Variants in KDM4C observed in about 807,000 individuals in gnomAD.
The protein encoded by KDM4C is lysine-specific demethylase 4C.
Under a neutral mutation model 129.3 loss-of-function variants are expected in KDM4C, and 81 were observed. The observed-to-expected ratio is 0.63, with a 90% CI of 0.52 to 0.75. The LOEUF (loss-of-function observed/expected upper bound fraction) is 0.75. Among genes scored for constraint, KDM4C ranks in the 30% least tolerant of loss-of-function variants. The pLI is 0.00. For missense variants in KDM4C, 1,457 were observed against 1,304.0 expected, an observed-to-expected ratio of 1.12 and a Z score of -1.81; for synonymous variants, 573 against 456.1, an observed-to-expected ratio of 1.26 and a Z score of -3.26.
intron 17 of KDM4C, chr9:7,076,425 G>T (rs1196347928): frequency 6.5e-7 from 1 of 1,542,552 alleles, no homozygotes; most frequent in Non-Finnish European, 8.8e-7. Flanking sequence ...TTTGCATTGT[G>T]TTTTTCAGGG....
chr9:6,952,863 C>T (rs1022306208), intron 8 of KDM4C, among the ~76,000 whole-genome samples: 14 of 152,136 alleles, frequency 9.2e-5, no homozygotes, highest in Non-Finnish European at 2.9e-5. Flanking sequence ...TTGTTATTTT[C>T]TTTATGATAG....
intron 12 of KDM4C, among the ~76,000 whole-genome samples, chr9:7,008,635 G>A (rs1822123316): frequency 6.6e-6 from 1 of 152,204 alleles, no homozygotes. Context: ...TGTGGATGCA[G>A]TTGACAGGAC....
In KDM4C at chr9:6,990,519, A is replaced by T; in HGVS notation, c.1781A>T (p.Asp594Val). The T allele has an allele frequency of 6.3e-7, 1 of 1,589,094 alleles. No individual in the cohort carries two copies. The highest frequency in any genetic ancestry group is 8.6e-7 in the Non-Finnish European group (1 of 1,161,380). The change falls in exon 12 of 22, where the codon GAT (aspartate) becomes GTT (valine). Residue 594 changes from aspartate (D) to valine (V), a missense_variant. By Grantham distance (152) the Asp-to-Val change is radical (BLOSUM62 -3). Coordinates refer to ENST00000381309, the MANE Select transcript of KDM4C (RefSeq NM_015061.6). ...CTTGTGAAGCAGCAGGCGCCAAGTG[A>T]TGAAGGTGAGATGGTGACCCTTTTT... ...MTLVKQQAPS[D>V]EELPEVLSIE... is the part of the protein sequence containing the mutation.
intron 6 of KDM4C, among the ~76,000 whole-genome samples, chr9:6,881,951 G>C (rs564932116): frequency 6.6e-6 from 1 of 152,160 alleles, no homozygotes; most frequent in Non-Finnish European, 1.5e-5. Context: ...TGAAAAGTAG[G>C]CTCAGATATT....
chr9:6,902,738 G>A (rs925677573), intron 8 of KDM4C: 15 of 152,232 alleles, frequency 9.9e-5, no homozygotes, highest in African/African-American at 3.4e-4. Flanking sequence ...TGTCTGTGGG[G>A]ACAGTGTTTG....
intron 18 of KDM4C, among the ~76,000 whole-genome samples, chr9:7,118,030 A>G (rs1417479447): frequency 6.6e-6 from 1 of 152,220 alleles, no homozygotes; most frequent in African/African-American, 2.4e-5. Flanking sequence ...AGATTCTGCT[A>G]TAGCTAAAGA....
chr9:6,823,012 G>A (rs529771177), intron 4 of KDM4C, among the ~76,000 whole-genome samples: 13 of 152,214 alleles, frequency 8.5e-5, no homozygotes, highest in Non-Finnish European at 1.9e-4. Context: ...AATACCTATT[G>A]TGTAGCATAA....
intron 14 of KDM4C, among the ~76,000 whole-genome samples, chr9:7,015,404 T>C (rs1430770159): frequency 2.6e-5 from 4 of 152,160 alleles, no homozygotes; most frequent in African/African-American, 9.7e-5. Flanking sequence ...GAATTGAAAA[T>C]ACTCCTTCAT....
intron 12 of KDM4C, among the ~76,000 whole-genome samples, chr9:6,993,706 T>C (rs576490991): frequency 1.3e-5 from 2 of 152,330 alleles, no homozygotes; most frequent in East Asian, 3.9e-4. Flanking sequence ...TGGAACGTAC[T>C]AGATGTGATG....
Position 6,954,351 on chromosome 9 carries a change from A to G in KDM4C, c.922-26574A>G, listed in dbSNP as rs529667112. Among the ~76,000 whole-genome samples the G allele has an allele frequency of 2.4e-4, 37 of 152,258 alleles. No homozygotes were observed. In the South Asian group the frequency reaches 6.8e-3, roughly 28 times the overall value. On this transcript the variant is annotated intron_variant, in intron 8 of 21. Transcript: ENST00000381309. ...GTTCCTGGAAGAGTGGGGCTATGGT[A>G]TAATTAATTATGTCTGTATTTTCGT...
chr9:7,009,635 G>A (rs148507450), intron 12 of KDM4C, among the ~76,000 whole-genome samples: 5 of 152,026 alleles, frequency 3.3e-5, no homozygotes, highest in Admixed American at 1.3e-4. Context: ...TACTACTTTC[G>A]TATCACCGTT....
intron 1 of KDM4C, chr9:6,748,673 C>G (rs756402166): frequency 1.6e-5 from 19 of 1,203,106 alleles, no homozygotes; most frequent in Non-Finnish European, 2.3e-5. Context: ...CTGTATCCTT[C>G]TCAACAATTT....
At chr9:7,072,845 A>G (rs1375190211) in intron 17 of KDM4C, among the ~76,000 whole-genome samples, 3 of 152,242 alleles carry the variant, frequency 2.0e-5, no homozygotes, top group South Asian at 2.1e-4. Flanking sequence ...ATCATTGTAC[A>G]TACTTATGGG....
chr9:6,826,826 C>A (rs1280719537), intron 4 of KDM4C, among the ~76,000 whole-genome samples: 19 of 150,854 alleles, frequency 1.3e-4, no homozygotes, highest in Admixed American at 1.3e-3. Context: ...GAGATCGCGC[C>A]ACTGCACTCC....
intron 4 of KDM4C, among the ~76,000 whole-genome samples, chr9:6,827,101 C>T (rs1044241875): frequency 6.6e-5 from 10 of 152,052 alleles, no homozygotes; most frequent in African/African-American, 2.4e-4. Context: ...ACCCACTGCC[C>T]CATTTTCTGC....
chr9:6,787,717 C>G (rs1217846557), intron 1 of KDM4C, among the ~76,000 whole-genome samples: 1 of 152,246 alleles, frequency 6.6e-6, no homozygotes, highest in Non-Finnish European at 1.5e-5. Context: ...GTCGACCTCC[C>G]TGCTTCCAGC....
chr9:6,750,331 C>T (rs1292708610), intron 1 of KDM4C, among the ~76,000 whole-genome samples: 1 of 151,640 alleles, frequency 6.6e-6, no homozygotes, highest in Non-Finnish European at 1.5e-5. Flanking sequence ...CCCAGCTACT[C>T]AGGGGGCTAC....
At chr9:7,114,345 T>C (rs974560213) in intron 18 of KDM4C, among the ~76,000 whole-genome samples, 2 of 152,162 alleles carry the variant, frequency 1.3e-5, no homozygotes, top group Admixed American at 6.5e-5. Flanking sequence ...AACACAAAAT[T>C]TTATCTGTTC....
At chr9:7,159,300 G>A (rs947537680) in intron 19 of KDM4C, among the ~76,000 whole-genome samples, 3 of 152,158 alleles carry the variant, frequency 2.0e-5, no homozygotes, top group African/African-American at 7.2e-5. Flanking sequence ...GCCAGTCTGT[G>A]TCTTTCAATT....
Sources: allele counts gnomAD v4.1 joint callset (sites outside exome capture counted in the v4.1 genomes callset), GRCh38; gene constraint gnomAD v4.1.1; transcripts MANE v1.5; gene names NCBI Gene and HGNC (gene_info 2026-07-23, HGNC 2026-07-21).